CPQ: variants seen among roughly 807,000 people sequenced by gnomAD.
CPQ encodes the protein carboxypeptidase Q, also known as Ser-Met dipeptidase.
In CPQ, 37 loss-of-function variants were observed where a neutral mutation model predicts 45.7. The ratio of observed to expected loss-of-function variants is 0.81; its 90% CI spans 0.62 to 1.07. The LOEUF (loss-of-function observed/expected upper bound fraction) is 1.07. CPQ is among the 50% of genes least tolerant of loss of function. CPQ has a pLI of 0.00. For missense variants in CPQ, 537 were observed against 572.9 expected (o/e 0.94, Z 0.64); for synonymous variants, 186 against 205.8 (o/e 0.90, Z 0.82).
At chr8:96,946,462 T>TA (rs1261335378) in intron 4 of CPQ, among the ~76,000 whole-genome samples, 1 of 151,796 alleles carries the variant, frequency 6.6e-6, no homozygotes, top group East Asian at 1.9e-4. Flanking sequence ...TCTATTTTTT[T>TA]ATTATACTTT....
chr8:97,062,528 A>G (rs142217149), intron 6 of CPQ, among the ~76,000 whole-genome samples: 243 of 152,224 alleles, frequency 1.6e-3, no homozygotes, highest in African/African-American at 5.6e-3. Flanking sequence ...TACATAGGGA[A>G]ACTTGCCTCC....
At chr8:96,909,992 C>A in intron 4 of CPQ, among the ~76,000 whole-genome samples, 1 of 152,122 alleles carries the variant, frequency 6.6e-6, no homozygotes, top group Non-Finnish European at 1.5e-5. Flanking sequence ...TTGGAGTCAG[C>A]AGAACAGGTT....
At chr8:97,045,339 A>G (rs1455604147) in intron 6 of CPQ, among the ~76,000 whole-genome samples, 2 of 152,200 alleles carry the variant, frequency 1.3e-5, no homozygotes, top group Non-Finnish European at 2.9e-5. Context: ...AGCCCGTCGG[A>G]AAAGCGCAGC....
chr8:96,757,787 A>G (rs905597134), intron 1 of CPQ, among the ~76,000 whole-genome samples: 1 of 151,750 alleles, frequency 6.6e-6, no homozygotes, highest in South Asian at 2.1e-4. Context: ...AGAGTTATCT[A>G]TTTTTTCTGT....
intron 5 of CPQ, among the ~76,000 whole-genome samples, chr8:97,021,350 A>G (rs1809677870): frequency 6.6e-6 from 1 of 152,192 alleles, no homozygotes; most frequent in African/African-American, 2.4e-5. Context: ...CCTCTTCAAC[A>G]TAGAACTGGA....
At chr8:96,966,141 A>C in intron 5 of CPQ, 95 bp downstream of exon 5, 1 of 815,466 alleles carries the variant, frequency 1.2e-6, no homozygotes, top group East Asian at 2.8e-5. Flanking sequence ...TTACTATGGT[A>C]TGTTCAAAGA....
Position 96,737,823 on chromosome 8 carries a change from C to T in CPQ, c.-34-47041C>T, listed in dbSNP as rs188668503. 3.3e-3 allele frequency among the ~76,000 whole-genome samples: 504 copies of T among 152,152 alleles called. 7 individuals are homozygous for T. The highest frequency in any genetic ancestry group is 0.012 in the African/African-American group (479 of 41,492). ...ATTTAAGGCTATAAATCTTCTTTTA[C>T]TTTGGATTTAAAAATTATGTATATT... is the stretch of plus-strand genomic sequence containing the variant. On this transcript the variant is annotated intron_variant, in intron 1 of 7. Coordinates refer to ENST00000220763, the MANE Select transcript of CPQ (RefSeq NM_016134.4).
intron 4 of CPQ, among the ~76,000 whole-genome samples, chr8:96,914,119 A>G (rs1229738838): frequency 3.9e-5 from 6 of 152,180 alleles, no homozygotes; most frequent in Non-Finnish European, 8.8e-5. Context: ...TCTGAAAAAC[A>G]TTTATTGAGT....
At chr8:96,918,655 G>C (rs1191518922) in intron 4 of CPQ, among the ~76,000 whole-genome samples, 2 of 152,048 alleles carry the variant, frequency 1.3e-5, no homozygotes, top group Admixed American at 1.3e-4. Flanking sequence ...TGGGTGGGGG[G>C]TTCTCATTGT....
At chr8:96,680,077 C>G (rs1809129554) in intron 1 of CPQ, among the ~76,000 whole-genome samples, 1 of 152,190 alleles carries the variant, frequency 6.6e-6, no homozygotes, top group Non-Finnish European at 1.5e-5. Flanking sequence ...CCTCTTGGCA[C>G]TGCTTTTGCT....
intron 1 of CPQ, among the ~76,000 whole-genome samples, chr8:96,683,681 G>A (rs1251295243): frequency 6.6e-6 from 1 of 150,896 alleles, no homozygotes; most frequent in Non-Finnish European, 1.5e-5. Context: ...TTTTTATGGT[G>A]TCCCATATAT....
At chr8:97,049,651 G>C (rs763646774) in intron 6 of CPQ, among the ~76,000 whole-genome samples, 11 of 152,182 alleles carry the variant, frequency 7.2e-5, no homozygotes, top group Non-Finnish European at 1.6e-4. Flanking sequence ...TCAATTGTTA[G>C]TGGTGCGATT....
intron 2 of CPQ, among the ~76,000 whole-genome samples, chr8:96,793,006 A>G (rs1810870169): frequency 6.6e-6 from 1 of 152,076 alleles, no homozygotes; most frequent in South Asian, 2.1e-4. Flanking sequence ...TTCACTCACT[A>G]TCACAAGAAC....
At chr8:96,670,936 T>A (rs1385302578) in intron 1 of CPQ, among the ~76,000 whole-genome samples, 1 of 152,046 alleles carries the variant, frequency 6.6e-6, no homozygotes, top group African/African-American at 2.4e-5. Context: ...GACGGACGGA[T>A]CCTTGTGGTG....
At chr8:96,652,949 T>C (rs1815595320) in intron 1 of CPQ, among the ~76,000 whole-genome samples, 1 of 152,192 alleles carries the variant, frequency 6.6e-6, no homozygotes, top group South Asian at 2.1e-4. Context: ...ATTTTGTTTT[T>C]GAGGCAGGAT....
chr8:97,122,971 T>A (rs1321189428), intron 7 of CPQ, among the ~76,000 whole-genome samples: 7 of 54,372 alleles, frequency 1.3e-4, no homozygotes, highest in East Asian at 7.3e-4. Context: ...TAAAATAAAA[T>A]AAAATAAAAT....
intron 1 of CPQ, among the ~76,000 whole-genome samples, chr8:96,711,563 CAT>C (rs1002578817): frequency 6.6e-6 from 1 of 152,110 alleles, no homozygotes; most frequent in African/African-American, 2.4e-5. Context: ...GAAAAGAAAA[CAT>C]GTCCTTCCTC....
chr8:97,017,821 A>G (rs948635030), intron 5 of CPQ, among the ~76,000 whole-genome samples: 12 of 151,614 alleles, frequency 7.9e-5, no homozygotes, highest in Non-Finnish European at 1.5e-4. Context: ...GCTGAAGACA[A>G]AGGGCATATA....
intron 6 of CPQ, among the ~76,000 whole-genome samples, chr8:97,034,821 G>A (rs1197165301): frequency 6.6e-6 from 1 of 151,586 alleles, no homozygotes; most frequent in African/African-American, 2.4e-5. Flanking sequence ...TGAGTCTGAC[G>A]TCTTTCACTA....
Sources: allele counts gnomAD v4.1 joint callset (sites outside exome capture counted in the v4.1 genomes callset), GRCh38; gene constraint gnomAD v4.1.1; transcripts MANE v1.5; gene names NCBI Gene and HGNC (gene_info 2026-07-23, HGNC 2026-07-21).